DZIP1L: variants seen among roughly 807,000 people sequenced by gnomAD.
DZIP1L encodes the protein cilium assembly protein DZIP1L.
In DZIP1L, 90 loss-of-function variants were observed where a neutral mutation model predicts 88.7. That is an observed-to-expected ratio of 1.02 (90% confidence interval 0.86 to 1.21). The LOEUF (loss-of-function observed/expected upper bound fraction) is 1.21, where lower values mean the gene tolerates loss of function less well. Ranked by LOEUF, DZIP1L falls within the 50% of genes most tolerant of loss-of-function variation. DZIP1L has a pLI of 0.00. For synonymous variants in DZIP1L, 363 were observed against 372.1 expected (o/e 0.98, Z 0.28); for missense variants, 932 against 955.8 (o/e 0.98, Z 0.33).
intron 11 of DZIP1L, among the ~76,000 whole-genome samples, chr3:138,072,825 G>A (rs1943240610): frequency 6.6e-6 from 1 of 152,190 alleles, no homozygotes; most frequent in African/African-American, 2.4e-5. Flanking sequence ...TGTTGGTGGG[G>A]CACAGTGCGA....
chr3:138,104,133 G>T, intron 1 of DZIP1L, 81 bp from the exon 2 acceptor site: 1 of 1,326,342 alleles, frequency 7.5e-7, no homozygotes, highest in Non-Finnish European at 1.0e-6. Context: ...AAGGGCCTAA[G>T]CGGGGCAAAG....
intron 11 of DZIP1L, among the ~76,000 whole-genome samples, chr3:138,073,218 A>G (rs1406245763): frequency 1.3e-5 from 2 of 152,298 alleles, no homozygotes; most frequent in Non-Finnish European, 2.9e-5. Context: ...ATAGGACCAC[A>G]GTTTGAAAGC....
At position 138,073,987 on chromosome 3, in the gene DZIP1L, G is replaced by A. The variant is rs749591898; in HGVS notation, c.1423-2152C>T. Reference sequence around the variant, plus strand: ...TTCAGAGCTCAAAGACAAGGCTTTCGAATTAACACAATCCATAGAAGACAA... The same window carrying A: ...TTCAGAGCTCAAAGACAAGGCTTTCAAATTAACACAATCCATAGAAGACAA... On this transcript the variant is annotated intron_variant, in intron 11 of 15. Coordinates refer to ENST00000327532, the MANE Select transcript of DZIP1L (RefSeq NM_173543.3). Among the ~76,000 whole-genome samples, 8 of 151,918 alleles carry A rather than the reference G, an allele frequency of 5.3e-5. No homozygotes were observed. The East Asian group carries it at 5.8e-4, about 11-fold the overall frequency.
intron 6 of DZIP1L, 123 bp downstream of exon 6, chr3:138,088,256 G>A (rs568372209): frequency 1.5e-6 from 2 of 1,328,436 alleles, no homozygotes; most frequent in East Asian, 5.2e-5. Context: ...ACTGGCAGAA[G>A]GTCTGAAAAT....
chr3:138,102,073 A>G (rs1167122888), intron 2 of DZIP1L: 2 of 1,480,032 alleles, frequency 1.4e-6, no homozygotes, highest in Non-Finnish European at 1.9e-6. Flanking sequence ...TTGATCTGGT[A>G]CATGCTCTCA....
chr3:138,089,033 G>A, intron 5 of DZIP1L: 7 of 985,432 alleles, frequency 7.1e-6, no homozygotes, highest in Non-Finnish European at 8.4e-6. Context: ...CAGAAAATTG[G>A]ATCAAAGAGA....
intron 2 of DZIP1L, chr3:138,101,354 T>G (rs1230026646): frequency 3.2e-6 from 2 of 618,224 alleles, no homozygotes; most frequent in Non-Finnish European, 5.7e-6. Context: ...GCAGGTGGGT[T>G]GAGGGCTAGG....
chr3:138,069,552 G>C (rs776884275), intron 12 of DZIP1L, among the ~76,000 whole-genome samples: 7 of 152,142 alleles, frequency 4.6e-5, no homozygotes, highest in Non-Finnish European at 1.0e-4. Context: ...GAAGAGAAGG[G>C]GAAGACAAAG....
chr3:138,106,123 CTTTCTT>C (rs2042476892), intron 1 of DZIP1L, among the ~76,000 whole-genome samples: 1 of 83,170 alleles, frequency 1.2e-5, no homozygotes, highest in African/African-American at 4.5e-5. Context: ...ATTCAGTCTT[CTTTCTT>C]TTTTTTTTTT....
intron 1 of DZIP1L, among the ~76,000 whole-genome samples, chr3:138,107,266 A>C (rs941965026): frequency 1.3e-5 from 2 of 152,198 alleles, no homozygotes; most frequent in Non-Finnish European, 2.9e-5. Context: ...TGCCCTCATG[A>C]ATGGATGAAT....
At chr3:138,106,819 G>A (rs1407439223) in intron 1 of DZIP1L, among the ~76,000 whole-genome samples, 2 of 151,256 alleles carry the variant, frequency 1.3e-5, no homozygotes, top group East Asian at 2.0e-4. Context: ...GTGACAGAGC[G>A]AGACTCCGTC....
rs1403914504 is a variant in DZIP1L at position 138,068,204 on chromosome 3, G to T, written c.1779C>A (p.Arg593=). Residue 593 remains arginine, a synonymous_variant, in exon 13 of 16, where the codon CGC becomes CGA. Transcript: ENST00000327532. ...SLTQVSAPAP[R]PGLHGPSSTP... The stretch of plus-strand genomic sequence containing the variant: ...TGCTGGAGGGTCCATGCAGTCCGGG[G>T]CGTGGAGCGGGGGCGGACACCTGGG... 1.3e-6 allele frequency: 2 copies of T among 1,590,770 alleles called. No homozygotes were observed. Among genetic ancestry groups the T allele is most frequent in the South Asian group, 1.1e-5 (1 of 87,624 alleles).
chr3:138,084,636 G>A (rs1215176965), intron 7 of DZIP1L, among the ~76,000 whole-genome samples: 1 of 152,210 alleles, frequency 6.6e-6, no homozygotes, highest in Non-Finnish European at 1.5e-5. Flanking sequence ...ATTAATATTT[G>A]CATAAAGAAA....
At chr3:138,100,847 T>C (rs1322644692) in intron 2 of DZIP1L, among the ~76,000 whole-genome samples, 1 of 152,238 alleles carries the variant, frequency 6.6e-6, no homozygotes, top group Non-Finnish European at 1.5e-5. Flanking sequence ...AAAGGGCAAA[T>C]GTCCCTAATC....
intron 12 of DZIP1L, among the ~76,000 whole-genome samples, chr3:138,070,192 C>T (rs917475888): frequency 6.6e-6 from 1 of 152,222 alleles, no homozygotes; most frequent in Non-Finnish European, 1.5e-5. Flanking sequence ...CATCACATCA[C>T]CTGGTCCTGG....
chr3:138,104,961 G>C (rs1362471510), intron 1 of DZIP1L, among the ~76,000 whole-genome samples: 1 of 152,088 alleles, frequency 6.6e-6, no homozygotes, highest in Non-Finnish European at 1.5e-5. Context: ...TGAAAAAATT[G>C]TCATTGTAGC....
chr3:138,113,516 T>C (rs979094089), intron 1 of DZIP1L: 5 of 152,140 alleles, frequency 3.3e-5, no homozygotes, highest in Non-Finnish European at 5.9e-5. Context: ...CAGTGCCCAC[T>C]GGGGGAGCTC....
At chr3:138,066,817 C>A (rs1044715555) in intron 14 of DZIP1L, among the ~76,000 whole-genome samples, 1 of 151,950 alleles carries the variant, frequency 6.6e-6, no homozygotes, top group Non-Finnish European at 1.5e-5. Flanking sequence ...ATACTACCCT[C>A]TCTCACAGAA....
At chr3:138,110,587 T>C (rs751634165) in intron 1 of DZIP1L, among the ~76,000 whole-genome samples, 5 of 152,222 alleles carry the variant, frequency 3.3e-5, no homozygotes, top group Non-Finnish European at 7.4e-5. Flanking sequence ...CTTTGTCTGT[T>C]AGGGTGTCTC....
Sources: gnomAD v4.1 joint callset for allele counts (sites outside exome capture counted in the v4.1 genomes callset) on GRCh38, gnomAD v4.1.1 for gene constraint, MANE v1.5 for transcripts, NCBI Gene and HGNC (gene_info 2026-07-23, HGNC 2026-07-21) for gene names.